MAGI2: variants seen among roughly 807,000 people sequenced by gnomAD.
MAGI2 encodes membrane-associated guanylate kinase, WW and PDZ domain-containing protein 2.
A neutral mutation model predicts 133.3 loss-of-function variants in MAGI2; 35 were observed. That is an observed-to-expected ratio of 0.26 (90% CI 0.20 to 0.35). MAGI2 has a LOEUF of 0.35. Ranked by LOEUF, MAGI2 falls within the 10% of genes least tolerant of loss-of-function variation. The pLI is 1.00. For missense variants in MAGI2, 1,636 were observed against 1,863.4 expected (o/e 0.88, Z 2.25); for synonymous variants, 729 against 710.6 (o/e 1.03, Z -0.41).
intron 3 of MAGI2, among the ~76,000 whole-genome samples, chr7:78,585,363 C>G (rs1230255119): frequency 6.6e-6 from 1 of 152,196 alleles, no homozygotes; most frequent in Admixed American, 6.5e-5. Flanking sequence ...TCCAAATAGG[C>G]ACTGACCATC....
intron 6 of MAGI2, among the ~76,000 whole-genome samples, chr7:78,371,243 T>C (rs1793875513): frequency 6.6e-6 from 1 of 151,962 alleles, no homozygotes; most frequent in South Asian, 2.1e-4. Context: ...GTGCCTTTTA[T>C]AAACAGCTCA....
At chr7:79,370,600 C>T (rs1315720269) in intron 1 of MAGI2, among the ~76,000 whole-genome samples, 1 of 150,384 alleles carries the variant, frequency 6.6e-6, no homozygotes, top group Admixed American at 6.6e-5. Flanking sequence ...CCAGGTTTCA[C>T]GTTTCAGAAA....
chr7:78,278,174 A>G (rs915216355), intron 9 of MAGI2, among the ~76,000 whole-genome samples: 1 of 152,094 alleles, frequency 6.6e-6, no homozygotes, highest in African/African-American at 2.4e-5. Flanking sequence ...TGGGAATTAC[A>G]AAAAAACACA....
chr7:79,176,783 T>A (rs562910901), intron 1 of MAGI2, among the ~76,000 whole-genome samples: 4 of 152,076 alleles, frequency 2.6e-5, no homozygotes, highest in South Asian at 2.1e-4. Context: ...AATAATTTTT[T>A]AAAAAAATCA....
chr7:79,221,917 T>G (rs1435639310), intron 1 of MAGI2, among the ~76,000 whole-genome samples: 1 of 152,026 alleles, frequency 6.6e-6, no homozygotes. Context: ...CAAGCACATT[T>G]TCTCCAGTGT....
At chr7:78,291,100 A>AT (rs559731804) in intron 9 of MAGI2, among the ~76,000 whole-genome samples, 114 of 152,356 alleles carry the variant, frequency 7.5e-4, no homozygotes, top group Non-Finnish European at 1.4e-3. Context: ...ACTGAAGAAA[A>AT]TAGAGACACA....
intron 20 of MAGI2, among the ~76,000 whole-genome samples, chr7:78,113,208 G>A (rs1196361133): frequency 6.6e-6 from 1 of 152,054 alleles, no homozygotes; most frequent in African/African-American, 2.4e-5. Flanking sequence ...TGTGATGAGG[G>A]TCTGATCTTT....
intron 9 of MAGI2, among the ~76,000 whole-genome samples, chr7:78,337,920 C>CCATCCATT (rs1427966906): frequency 6.6e-6 from 1 of 151,948 alleles, no homozygotes; most frequent in African/African-American, 2.4e-5. Context: ...ATCCATCCAT[C>CCATCCATT]CATCCAAGAA....
At position 78,608,815 on chromosome 7, in the gene MAGI2, C is replaced by T. The variant is rs998391055; in HGVS notation, c.538+18305G>A. On this transcript the variant is annotated intron_variant, in intron 3 of 21. Transcript: ENST00000354212. ...AAACCACTTTTGTCCTTGTTATCACCCCTTTTCTCTGCTAGTTAGCTGACT... is the reference window on the plus strand; with the variant it reads ...AAACCACTTTTGTCCTTGTTATCACTCCTTTTCTCTGCTAGTTAGCTGACT... 2.6e-5 allele frequency among the ~76,000 whole-genome samples: 4 copies of T among 152,200 alleles called. No individual in the cohort carries two copies. The East Asian group carries it at 7.7e-4, about 29-fold the overall frequency.
intron 12 of MAGI2, among the ~76,000 whole-genome samples, chr7:78,189,298 T>C (rs1304578346): frequency 6.6e-6 from 1 of 152,214 alleles, no homozygotes; most frequent in African/African-American, 2.4e-5. Context: ...TTTCATTTCA[T>C]ATATAGTACT....
intron 1 of MAGI2, among the ~76,000 whole-genome samples, chr7:79,295,966 G>A (rs1258478987): frequency 6.6e-6 from 1 of 152,052 alleles, no homozygotes; most frequent in Non-Finnish European, 1.5e-5. Context: ...GTCATATGCT[G>A]TTCTAGTGAA....
intron 1 of MAGI2, among the ~76,000 whole-genome samples, chr7:79,295,757 T>C (rs1007371867): frequency 1.3e-5 from 2 of 152,066 alleles, no homozygotes; most frequent in African/African-American, 4.8e-5. Context: ...TGACTAGCAT[T>C]GTGCTTGGTA....
At chr7:79,106,700 A>G (rs991355424) in intron 1 of MAGI2, among the ~76,000 whole-genome samples, 17 of 152,198 alleles carry the variant, frequency 1.1e-4, no homozygotes, top group Non-Finnish European at 2.9e-5. Context: ...TATGTCAAGT[A>G]TATTTTCTCA....
chr7:78,038,552 A>G (rs1199791603), intron 21 of MAGI2, among the ~76,000 whole-genome samples: 2 of 146,856 alleles, frequency 1.4e-5, no homozygotes, highest in Non-Finnish European at 3.0e-5. Context: ...GGACCACATC[A>G]CCTGAGAACT....
At chr7:78,698,955 C>A (rs1029415669) in intron 2 of MAGI2, among the ~76,000 whole-genome samples, 1 of 152,182 alleles carries the variant, frequency 6.6e-6, no homozygotes, top group Non-Finnish European at 1.5e-5. Context: ...AACCATATCA[C>A]TGACAGTATA....
intron 6 of MAGI2, among the ~76,000 whole-genome samples, chr7:78,372,494 A>G (rs1045033046): frequency 7.2e-5 from 11 of 152,188 alleles, no homozygotes; most frequent in Admixed American, 7.2e-4. Flanking sequence ...GTATTCAACA[A>G]TACTTGACAA....
chr7:79,394,053 T>C (rs1311603857), intron 1 of MAGI2, among the ~76,000 whole-genome samples: 3 of 152,174 alleles, frequency 2.0e-5, no homozygotes, highest in African/African-American at 7.2e-5. Flanking sequence ...GCCAAGTCAC[T>C]GGTGTACAAG....
At chr7:79,197,593 A>C (rs1473160029) in intron 1 of MAGI2, among the ~76,000 whole-genome samples, 2 of 152,066 alleles carry the variant, frequency 1.3e-5, no homozygotes, top group Non-Finnish European at 2.9e-5. Flanking sequence ...TAAACTCTGC[A>C]GCCTGAGTTG....
chr7:79,114,710 C>T (rs1379935238), intron 1 of MAGI2, among the ~76,000 whole-genome samples: 2 of 152,088 alleles, frequency 1.3e-5, no homozygotes, highest in African/African-American at 4.8e-5. Flanking sequence ...ATGATACATA[C>T]CATTTGGATT....
Sources: gnomAD v4.1 joint callset for allele counts (sites outside exome capture counted in the v4.1 genomes callset) on GRCh38, gnomAD v4.1.1 for gene constraint, MANE v1.5 for transcripts, NCBI Gene and HGNC (gene_info 2026-07-23, HGNC 2026-07-21) for gene names.